Variants in BAIAP3 observed in about 807,000 individuals in gnomAD.
BAIAP3 encodes the protein BAI1 associated protein 3.
A neutral mutation model predicts 149.7 loss-of-function variants in BAIAP3; 180 were observed. The ratio of observed to expected loss-of-function variants is 1.20; its 90% CI spans 1.07 to 1.36. BAIAP3 has a LOEUF of 1.36. BAIAP3 is among the 40% of genes most tolerant of loss of function. BAIAP3 has a pLI of 0.00. For synonymous variants in BAIAP3, 845 were observed against 670.7 expected, an observed-to-expected ratio of 1.26 and a Z score of -4.02; for missense variants, 1,767 against 1,563.4, an observed-to-expected ratio of 1.13 and a Z score of -2.20.
Position 1,348,388 on chromosome 16 carries a change from C to G in BAIAP3, c.3365C>G (p.Ala1122Gly), listed in dbSNP as rs147489315. 8 of 1,612,406 alleles carry G rather than the reference C, an allele frequency of 5.0e-6. 1 individual carries two copies. In the South Asian group the frequency reaches 8.8e-5, roughly 18 times the overall value. ...LCRPRAQVRS[A>G]LRRLEGRTSK... ...CCCGCGCTGCTTGCAGTGAGATCTG[C>G]GCTGAGGAGGCTGGAAGGCCGCACC... Residue 1122 changes from alanine (A) to glycine (G), a missense_variant, in exon 34 of 34, where the codon GCG becomes GGG. Coordinates refer to ENST00000426824, the MANE Select transcript of BAIAP3 (RefSeq NM_001199097.2).
Position 1,342,965 on chromosome 16 carries a change from T to C in BAIAP3, c.1214T>C (p.Leu405Pro). The C allele has an allele frequency of 6.2e-7, 1 of 1,611,072 alleles. No homozygotes were observed. Among genetic ancestry groups the C allele is most frequent in the Non-Finnish European group, 8.5e-7 (1 of 1,179,746 alleles). ...CTCAGCACACCAGCCGCCACCATCC[T>C]CTGCCTGCACGGAGCCCAGAGCAAC... ...GELSTPAATI[L>P]CLHGAQSNLS... The change falls in exon 14 of 34, where the codon CTC (leucine) becomes CCC (proline). Residue 405 changes from leucine (L) to proline (P), a missense_variant. Physicochemically the swap from Leu to Pro is moderately conservative, Grantham distance 98. Transcript: ENST00000426824.
At chr16:1,337,009 GTGGGGC>G (rs2033498566) in intron 1 of BAIAP3, among the ~76,000 whole-genome samples, 1 of 152,198 alleles carries the variant, frequency 6.6e-6, no homozygotes, top group Admixed American at 6.5e-5. Context: ...CTCTCTTGTG[GTGGGGC>G]AGAGGTGGCC....
chr16:1,342,090 A>T, intron 10 of BAIAP3, 27 bp downstream of exon 10: 1 of 1,580,878 alleles, frequency 6.3e-7, no homozygotes. Context: ...CTTTCTACCC[A>T]TCACCCGTGC....
In BAIAP3 at chr16:1,349,273, G is replaced by A. The variant is rs541793381; in HGVS notation, c.*791G>A. Reference sequence around the variant, plus strand: ...CTGCAGCTTCATTTGCGAGAGCGCCGAGGCAGGACACAGAGCACAGCTGTG... The same window carrying A: ...CTGCAGCTTCATTTGCGAGAGCGCCAAGGCAGGACACAGAGCACAGCTGTG... On this transcript the variant is annotated 3_prime_UTR_variant, in exon 34 of 34. Transcript: ENST00000426824. 2.7e-5 allele frequency: 21 copies of A among 778,170 alleles called. No homozygotes were observed. Among genetic ancestry groups the A allele is most frequent in the South Asian group, 1.8e-4 (11 of 62,282 alleles). The allele number at this position is 778,170 out of a possible 1,614,324, so 48.2% of individuals were successfully genotyped here.
chr16:1,344,185 C>T, intron 16 of BAIAP3, 39 bp downstream of exon 16: 1 of 1,612,322 alleles, frequency 6.2e-7, no homozygotes, highest in East Asian at 2.2e-5. Context: ...GTGGGGGCGG[C>T]TGGCAGGGCA....
In BAIAP3 at chr16:1,339,219, G is replaced by C; in HGVS notation, c.275G>C (p.Gly92Ala). 1.9e-6 allele frequency: 3 copies of C among 1,565,140 alleles called. No individual in the cohort carries two copies. The highest frequency in any genetic ancestry group is 2.6e-6 in the Non-Finnish European group (3 of 1,157,138). Residue 92 changes from glycine (G) to alanine (A), a missense_variant, in exon 4 of 34, where the codon GGC becomes GCC. By Grantham distance (60) the Gly-to-Ala change is moderately conservative. Coordinates refer to ENST00000426824, the MANE Select transcript of BAIAP3 (RefSeq NM_001199097.2). The stretch of plus-strand genomic sequence containing the variant: ...CCGGAGCCTGTGGATCCCAGCCTCG[G>C]CCTGAGAGCCCTGGCCCCAGAGGAG... ...APPEPVDPSL[G>A]LRALAPEEVE...
chr16:1,349,284 C>G lies in BAIAP3; in HGVS notation c.*802C>G. On this transcript the variant is annotated 3_prime_UTR_variant, in exon 34 of 34. Coordinates refer to ENST00000426824, the MANE Select transcript of BAIAP3 (RefSeq NM_001199097.2). Reference sequence around the variant, plus strand: ...TTTGCGAGAGCGCCGAGGCAGGACACAGAGCACAGCTGTGCTGGAAGTGTG... The same window carrying G: ...TTTGCGAGAGCGCCGAGGCAGGACAGAGAGCACAGCTGTGCTGGAAGTGTG... The G allele has an allele frequency of 1.2e-6, 1 of 844,544 alleles. No homozygotes were observed. Among genetic ancestry groups the G allele is most frequent in the Non-Finnish European group, 2.0e-6 (1 of 510,174 alleles). The allele number at this position is 844,544 out of a possible 1,614,324, so 52.3% of individuals were successfully genotyped here.
intron 23 of BAIAP3, 29 bp from the exon 24 acceptor site, chr16:1,345,957 A>C: frequency 6.3e-7 from 1 of 1,591,046 alleles, no homozygotes; most frequent in Non-Finnish European, 8.6e-7. Flanking sequence ...GGAGGGCTCC[A>C]TGGCTCCCCA....
rs1053105575 is a variant in BAIAP3 at position 1,334,147 on chromosome 16, C to G, written c.-11+398C>G. ...GACGGGCCCGGGGCCTCCCAGCACC[C>G]CTCCCGGGCGGGCTGCACCCCCCAG... is the stretch of plus-strand genomic sequence containing the variant. On this transcript the variant is annotated intron_variant, in intron 1 of 33. Transcript: ENST00000426824. 1.2e-3 allele frequency among the ~76,000 whole-genome samples: 188 copies of G among 151,998 alleles called. 1 individual carries two copies. The highest frequency in any genetic ancestry group is 4.4e-3 in the African/African-American group (181 of 41,502).
At chr16:1,343,329 C>A in intron 14 of BAIAP3, 64 bp from the exon 15 acceptor site, 1 of 1,547,426 alleles carries the variant, frequency 6.5e-7, no homozygotes, top group Non-Finnish European at 8.7e-7. Flanking sequence ...GTGCTGTAGG[C>A]GGTGCTGAGT....
intron 1 of BAIAP3, among the ~76,000 whole-genome samples, chr16:1,335,377 T>TG (rs151057164): frequency 0.014 from 2,099 of 152,110 alleles, 44 homozygotes; most frequent in African/African-American, 0.048. Context: ...GAGCAGAGTA[T>TG]GGGGGGGTTC....
In BAIAP3 at chr16:1,344,296, G is replaced by A; in HGVS notation, c.1581G>A (p.Met527Ile). ...EICPFESELN[M>I]DIAAALKRGN... ...GCCCCTTCGAGTCGGAGCTGAACATGGACATTGCTGCGGCCCTGAAGGTGT... is the reference window on the plus strand; with the variant it reads ...GCCCCTTCGAGTCGGAGCTGAACATAGACATTGCTGCGGCCCTGAAGGTGT... The change falls in exon 17 of 34, where the codon ATG becomes ATA. Residue 527 changes from methionine to isoleucine, a missense_variant. Physicochemically the swap from Met to Ile is conservative, Grantham distance 10. Transcript: ENST00000426824. The A allele has an allele frequency of 1.2e-6, 2 of 1,613,918 alleles. No individual in the cohort carries two copies. Among genetic ancestry groups the A allele is most frequent in the East Asian group, 4.5e-5 (2 of 44,884 alleles).
In BAIAP3 at chr16:1,349,423, T is replaced by C. The variant is rs780838933; in HGVS notation, c.*941T>C. 4 of 1,613,500 alleles carry C rather than the reference T, an allele frequency of 2.5e-6. No individual in the cohort carries two copies. The highest frequency in any genetic ancestry group is 1.1e-5 in the South Asian group (1 of 91,060). ...CTCGTCACCCAGCCTCAAAAATATA[T>C]GTGTCTGCAACCCTCAGTCTCTCTG... On this transcript the variant is annotated 3_prime_UTR_variant, in exon 34 of 34. Coordinates refer to ENST00000426824, the MANE Select transcript of BAIAP3 (RefSeq NM_001199097.2).
intron 24 of BAIAP3, 30 bp from the exon 25 acceptor site, chr16:1,346,140 C>T (rs1414092133): frequency 6.2e-7 from 1 of 1,607,890 alleles, no homozygotes; most frequent in Non-Finnish European, 8.5e-7. Context: ...AGGCCCCGGA[C>T]CCATCGTTGC....
chr16:1,341,547 G>A, intron 8 of BAIAP3, 58 bp downstream of exon 8: 1 of 1,552,752 alleles, frequency 6.4e-7, no homozygotes, highest in East Asian at 2.3e-5. Flanking sequence ...TCCAGAGCTG[G>A]GCTGTGCCTG....
rs752414624 is a variant in BAIAP3, at chr16:1,342,544, C to T, written c.975C>T (p.Gly325=). ...NIPVREVPVA[G]VDRWFKLEPR... is the part of the protein sequence containing the mutation. ...ACCCCCAGGAGGTGCCTGTGGCTGG[C>T]GTCGACCGCTGGTTCAAGCTGGAGC... Residue 325 remains glycine, a synonymous_variant, in exon 12 of 34, where the codon GGC becomes GGT. Coordinates refer to ENST00000426824, the MANE Select transcript of BAIAP3 (RefSeq NM_001199097.2). The T allele has an allele frequency of 3.4e-5, 52 of 1,551,202 alleles. No homozygotes were observed. Among genetic ancestry groups the T allele is most frequent in the South Asian group, 5.9e-5 (5 of 84,286 alleles).
In BAIAP3 at chr16:1,341,356, C is replaced by A. The variant is rs142578030; in HGVS notation, c.598C>A (p.Arg200Ser). 3 of 1,612,220 alleles carry A rather than the reference C, an allele frequency of 1.9e-6. No homozygotes were observed. Among genetic ancestry groups the A allele is most frequent in the African/African-American group, 2.7e-5 (2 of 74,940 alleles). Residue 200 changes from arginine (R) to serine (S), a missense_variant, in exon 8 of 34, where the codon CGT (arginine) becomes AGT (serine). Transcript: ENST00000426824. The stretch of plus-strand genomic sequence containing the variant: ...TGCCTCGGACGCCACGCGGGAGCCC[C>A]GTGCACAGAAGGAGCAGCGCTTCGG... ...LPASDATREP[R>S]AQKEQRFGFR...
Position 1,343,003 on chromosome 16 carries a change from C to T in BAIAP3, c.1252C>T (p.Gln418Ter). ...AGCCCAGAGCAACCTGTCACCCTTGCAGCTGGCCGTGCTGTGAGTGGGTGG... is the reference window on the plus strand; with the variant it reads ...AGCCCAGAGCAACCTGTCACCCTTGTAGCTGGCCGTGCTGTGAGTGGGTGG... Reference protein sequence around the residue: ...HGAQSNLSPLQLAVLHWQVSS... With the variant: ...HGAQSNLSPL Residue 418 changes from glutamine (Q) to a stop codon, truncating the protein, a stop_gained, in exon 14 of 34, where the codon CAG becomes TAG. Coordinates refer to ENST00000426824, the MANE Select transcript of BAIAP3 (RefSeq NM_001199097.2). LOFTEE classifies it high-confidence loss of function. 6.2e-7 allele frequency: 1 copy of T among 1,609,634 alleles called. No individual in the cohort carries two copies. Among genetic ancestry groups the T allele is most frequent in the Non-Finnish European group, 8.5e-7 (1 of 1,179,870 alleles).
Position 1,345,283 on chromosome 16 carries a change from G to A in BAIAP3, c.1975G>A (p.Ala659Thr), listed in dbSNP as rs116719702. 259 of 1,613,034 alleles carry A rather than the reference G, an allele frequency of 1.6e-4. 1 individual carries two copies. In the African/African-American group the frequency reaches 1.6e-3, roughly 10 times the overall value. The change falls in exon 22 of 34, where the codon GCC becomes ACC. Residue 659 changes from alanine (A) to threonine (T), a missense_variant. Coordinates refer to ENST00000426824, the MANE Select transcript of BAIAP3 (RefSeq NM_001199097.2). The stretch of plus-strand genomic sequence containing the variant: ...CTCTCTGGCCCTGGCTGGCATCCAC[G>A]CCCCCTTCCTGCCTGCTGTGAAGCT... Reference protein sequence around the residue: ...SRSLALAGIHAPFLPAVKLWF... With the variant: ...SRSLALAGIHTPFLPAVKLWF...
Sources: gnomAD v4.1 joint callset for allele counts (sites outside exome capture counted in the v4.1 genomes callset) on GRCh38, gnomAD v4.1.1 for gene constraint, MANE v1.5 for transcripts, NCBI Gene and HGNC (gene_info 2026-07-23, HGNC 2026-07-21) for gene names.